DLC1: variants seen among roughly 807,000 people sequenced by gnomAD.
DLC1 encodes rho GTPase-activating protein 7.
A neutral mutation model predicts 140.3 loss-of-function variants in DLC1; 54 were observed. The observed-to-expected ratio is 0.38, with a 90% CI of 0.31 to 0.48. The LOEUF (loss-of-function observed/expected upper bound fraction) is 0.48, where lower values mean the gene tolerates loss of function less well. DLC1 is among the 20% of genes least tolerant of loss of function. The pLI, the probability that DLC1 is intolerant of heterozygous loss-of-function variation, is 0.96. For synonymous variants in DLC1, 986 were observed against 728.1 expected (o/e 1.35, Z -5.70); for missense variants, 2,536 against 1,907.0 (o/e 1.33, Z -6.14).
intron 5 of DLC1, among the ~76,000 whole-genome samples, chr8:13,282,146 T>C (rs190587913): frequency 1.3e-5 from 2 of 152,218 alleles, no homozygotes; most frequent in East Asian, 1.9e-4. Flanking sequence ...TTCAGAAAAA[T>C]ACCTCACCAG....
At chr8:13,560,116 T>C (rs1319162528) in intron 1 of DLC1, among the ~76,000 whole-genome samples, 1 of 152,234 alleles carries the variant, frequency 6.6e-6, no homozygotes, top group Non-Finnish European at 1.5e-5. Flanking sequence ...GTTGCTTTGC[T>C]ACTCTTAAAT....
chr8:13,310,698 G>A (rs1026861333), intron 4 of DLC1, among the ~76,000 whole-genome samples: 2 of 152,228 alleles, frequency 1.3e-5, no homozygotes, highest in Non-Finnish European at 2.9e-5. Context: ...GCCAGTCAAT[G>A]ATTTCAGTCT....
At chr8:13,307,576 T>C (rs1037134201) in intron 4 of DLC1, among the ~76,000 whole-genome samples, 1 of 152,216 alleles carries the variant, frequency 6.6e-6, no homozygotes, top group South Asian at 2.1e-4. Context: ...ACATTCGCTC[T>C]TTTGTGAAAA....
chr8:13,433,412 A>G (rs75006939), intron 2 of DLC1, among the ~76,000 whole-genome samples: 4,018 of 152,294 alleles, frequency 0.026, 175 homozygotes, highest in African/African-American at 0.091. Flanking sequence ...AGATCAAGAA[A>G]AAGCATGGAT....
In DLC1 at chr8:13,533,911, A is replaced by G. The variant is rs570585365; in HGVS notation, c.-125-33715T>C. The stretch of plus-strand genomic sequence containing the variant: ...GGTACTTGCATCTCCTTCTCATTCC[A>G]CCGTGACTGTAAGTTTCCTGAGGCC... On this transcript the variant is annotated intron_variant, in intron 1 of 1. Coordinates refer to the DLC1 transcript ENST00000631382. Among the ~76,000 whole-genome samples, 4 of 152,246 alleles carry G rather than the reference A, an allele frequency of 2.6e-5. No individual in the cohort carries two copies. The South Asian group carries it at 8.3e-4, about 32-fold the overall frequency.
intron 1 of DLC1, among the ~76,000 whole-genome samples, chr8:13,539,541 T>A (rs2117327642): frequency 1.3e-5 from 2 of 152,268 alleles, no homozygotes; most frequent in Middle Eastern, 6.8e-3. Flanking sequence ...ACCAGCAAGC[T>A]GAGAGCTCCT....
chr8:13,535,066 G>A (rs1361047132), intron 1 of DLC1, among the ~76,000 whole-genome samples: 1 of 152,068 alleles, frequency 6.6e-6, no homozygotes, highest in African/African-American at 2.4e-5. Flanking sequence ...ACTGACCAAC[G>A]TTTTGATCAC....
chr8:13,495,101 AT>A (rs1801441913), intron 2 of DLC1, among the ~76,000 whole-genome samples: 1 of 152,214 alleles, frequency 6.6e-6, no homozygotes, highest in Non-Finnish European at 1.5e-5. Flanking sequence ...TTTGGAGTTT[AT>A]TTTGCTTTGT....
chr8:13,114,550 A>G (rs554070288), intron 6 of DLC1, among the ~76,000 whole-genome samples: 53 of 152,214 alleles, frequency 3.5e-4, no homozygotes, highest in Middle Eastern at 3.4e-3. Flanking sequence ...ATTTTTCTCA[A>G]TTGAAAAACT....
chr8:13,496,009 C>T (rs1801483446), intron 2 of DLC1, among the ~76,000 whole-genome samples: 1 of 152,134 alleles, frequency 6.6e-6, no homozygotes, highest in East Asian at 1.9e-4. Context: ...TGATATTAGC[C>T]TTAATTGATT....
At position 13,100,683 on chromosome 8, in the gene DLC1, C is replaced by T. The variant is rs1444344835; in HGVS notation, c.1654G>A (p.Glu552Lys). 1.2e-6 allele frequency: 2 copies of T among 1,613,738 alleles called. No individual in the cohort carries two copies. Among genetic ancestry groups the T allele is most frequent in the Admixed American group, 3.3e-5 (2 of 59,962 alleles). Reference sequence around the variant, plus strand: ...TGTTTTGGAGAAAAGACATCAAACTCTTCAAGCCGGGACCACCTCTTGCTG... The same window carrying T: ...TGTTTTGGAGAAAAGACATCAAACTTTTCAAGCCGGGACCACCTCTTGCTG... Reference protein sequence around the residue: ...RDSKRWSRLEEFDVFSPKQDL... With the variant: ...RDSKRWSRLEKFDVFSPKQDL... Residue 552 changes from glutamate (E) to lysine (K), a missense_variant, in exon 9 of 18, where the codon GAG becomes AAG. Glu to Lys is a moderately conservative substitution (Grantham distance 56). Transcript: ENST00000276297.
chr8:13,220,379 T>C (rs1177149028), intron 5 of DLC1, among the ~76,000 whole-genome samples: 1 of 152,168 alleles, frequency 6.6e-6, no homozygotes, highest in African/African-American at 2.4e-5. Flanking sequence ...CAGCCTGGCT[T>C]GTGTAACAAG....
chr8:13,307,835 C>T (rs941574390), intron 4 of DLC1, among the ~76,000 whole-genome samples: 11 of 152,126 alleles, frequency 7.2e-5, no homozygotes, highest in South Asian at 2.1e-4. Flanking sequence ...CTGTCACTAA[C>T]GGAAGCAAGG....
intron 2 of DLC1, among the ~76,000 whole-genome samples, chr8:13,404,833 G>A (rs982263450): frequency 2.0e-5 from 3 of 151,876 alleles, no homozygotes; most frequent in Non-Finnish European, 4.4e-5. Context: ...CCCCATCTCT[G>A]CTAAAAATAT....
chr8:13,506,388 C>G (rs1030795248), intron 1 of DLC1, among the ~76,000 whole-genome samples: 12 of 151,664 alleles, frequency 7.9e-5, no homozygotes, highest in African/African-American at 2.9e-4. Flanking sequence ...AAAGACATAA[C>G]AGTACTGCCA....
chr8:13,150,642 GCTTTGT>G (rs1385199607), intron 5 of DLC1, among the ~76,000 whole-genome samples: 1 of 152,212 alleles, frequency 6.6e-6, no homozygotes, highest in Non-Finnish European at 1.5e-5. Context: ...TCTGGCTATG[GCTTTGT>G]CTTTAACTCA....
chr8:13,324,070 T>C (rs532517301), intron 4 of DLC1, among the ~76,000 whole-genome samples: 8 of 152,336 alleles, frequency 5.3e-5, no homozygotes, highest in South Asian at 2.1e-4. Flanking sequence ...GTTAATACAG[T>C]GTCTGACAAA....
intron 16 of DLC1, 113 bp from the exon 17 acceptor site, chr8:13,086,576 A>G (rs1273769368): frequency 8.1e-7 from 1 of 1,233,272 alleles, no homozygotes; most frequent in Non-Finnish European, 1.1e-6. Context: ...CTCAGTGGCC[A>G]TGCTGTGTGA....
At chr8:13,556,994 A>T (rs1804069324) in intron 1 of DLC1, among the ~76,000 whole-genome samples, 1 of 152,156 alleles carries the variant, frequency 6.6e-6, no homozygotes. Flanking sequence ...TACAACTGTG[A>T]ATTTATTTAT....
Sources: allele counts gnomAD v4.1 joint callset (sites outside exome capture counted in the v4.1 genomes callset), GRCh38; gene constraint gnomAD v4.1.1; transcripts MANE v1.5; gene names NCBI Gene and HGNC (gene_info 2026-07-23, HGNC 2026-07-21).